The following AFF3 variants were observed in gnomAD, a reference collection of about 807,000 sequenced individuals.
AFF3 encodes AF4/FMR2 family member 3.
A neutral mutation model predicts 129.7 loss-of-function variants in AFF3; 32 were observed. The observed-to-expected ratio is 0.25, with a 90% CI of 0.19 to 0.33. The LOEUF is 0.33. Among genes scored for constraint, AFF3 ranks in the 10% least tolerant of loss-of-function variants. The pLI, the probability that AFF3 is intolerant of heterozygous loss-of-function variation, is 1.00. For synonymous variants in AFF3, 644 were observed against 635.4 expected, an observed-to-expected ratio of 1.01 and a Z score of -0.20; for missense variants, 1,373 against 1,592.0, an observed-to-expected ratio of 0.86 and a Z score of 2.34.
intron 8 of AFF3, among the ~76,000 whole-genome samples, chr2:99,776,503 C>T (rs1683913699): frequency 6.6e-6 from 1 of 152,180 alleles, no homozygotes; most frequent in South Asian, 2.1e-4. Flanking sequence ...GTGGAATATG[C>T]TTTATGGTCT....
At chr2:99,748,945 A>T (rs1681395652) in intron 9 of AFF3, among the ~76,000 whole-genome samples, 1 of 152,184 alleles carries the variant, frequency 6.6e-6, no homozygotes, top group South Asian at 2.1e-4. Flanking sequence ...TGTCGATTTT[A>T]GATTCTACAT....
At chr2:99,911,767 G>T (rs192421292) in intron 7 of AFF3, among the ~76,000 whole-genome samples, 69 of 152,344 alleles carry the variant, frequency 4.5e-4, no homozygotes, top group African/African-American at 1.5e-3. Flanking sequence ...GTGCACCACA[G>T]ACACAAAACC....
At chr2:99,763,866 T>C (rs1308424518) in intron 8 of AFF3, among the ~76,000 whole-genome samples, 1 of 152,208 alleles carries the variant, frequency 6.6e-6, no homozygotes, top group Non-Finnish European at 1.5e-5. Context: ...CTGGGAGCTG[T>C]ACACGTGTTT....
chr2:99,659,941 T>C (rs1686082752), intron 12 of AFF3, among the ~76,000 whole-genome samples: 1 of 152,188 alleles, frequency 6.6e-6, no homozygotes, highest in Non-Finnish European at 1.5e-5. Context: ...CATCTGGGCT[T>C]TGGTCATTCA....
Position 99,833,185 on chromosome 2 carries a change from A to C in AFF3, c.921+4292T>G, listed in dbSNP as rs143367072. On this transcript the variant is annotated intron_variant, in intron 8 of 24. Coordinates refer to ENST00000672756, the MANE Select transcript of AFF3 (RefSeq NM_001386135.1). ...GGGCTATCATGATGTGCATTTCCCA[A>C]GTCAGTGCCCTCAACTCACAAATCT... 2.5e-3 allele frequency among the ~76,000 whole-genome samples: 383 copies of C among 152,336 alleles called. 1 individual carries two copies. The highest frequency in any genetic ancestry group is 8.9e-3 in the African/African-American group (370 of 41,578).
chr2:99,713,212 C>T (rs1678059137), intron 11 of AFF3, among the ~76,000 whole-genome samples: 1 of 151,770 alleles, frequency 6.6e-6, no homozygotes, highest in Non-Finnish European at 1.5e-5. Flanking sequence ...CTGAACTGCA[C>T]ACTTGAAAAT....
chr2:99,992,800 A>G (rs748359669), intron 7 of AFF3, among the ~76,000 whole-genome samples: 1 of 152,236 alleles, frequency 6.6e-6, no homozygotes, highest in African/African-American at 2.4e-5. Flanking sequence ...ATAACCACTG[A>G]TATAAAATAA....
rs547857353 is a variant in AFF3 at position 99,765,752 on chromosome 2, G to T, written c.922-13451C>A. 9.7e-4 allele frequency among the ~76,000 whole-genome samples: 148 copies of T among 152,226 alleles called. 1 individual carries two copies. Among genetic ancestry groups the T allele is most frequent in the African/African-American group, 3.4e-3 (141 of 41,566 alleles). On this transcript the variant is annotated intron_variant, in intron 8 of 24. Coordinates refer to ENST00000672756, the MANE Select transcript of AFF3 (RefSeq NM_001386135.1). ...AAATATAGAAGACGTTTATGAATTT[G>T]TTTTTTAATCTATTTTACTCTTTAA...
At chr2:99,839,194 C>T (rs1689121398) in intron 7 of AFF3, among the ~76,000 whole-genome samples, 1 of 152,112 alleles carries the variant, frequency 6.6e-6, no homozygotes, top group South Asian at 2.1e-4. Flanking sequence ...ACTGCAACCT[C>T]TACCTCCTGG....
intron 8 of AFF3, among the ~76,000 whole-genome samples, chr2:99,816,934 A>G (rs570301261): frequency 1.3e-5 from 2 of 152,100 alleles, no homozygotes; most frequent in African/African-American, 4.8e-5. Context: ...CCTCCTGTAG[A>G]TTAGGGCATT....
chr2:100,012,237 T>G (rs773418019), intron 4 of AFF3, among the ~76,000 whole-genome samples: 2 of 152,154 alleles, frequency 1.3e-5, no homozygotes, highest in Non-Finnish European at 2.9e-5. Flanking sequence ...TCCCCACTTC[T>G]TCAAAGGAGA....
At chr2:99,986,314 T>C (rs1679871104) in intron 7 of AFF3, among the ~76,000 whole-genome samples, 1 of 151,608 alleles carries the variant, frequency 6.6e-6, no homozygotes, top group East Asian at 1.9e-4. Flanking sequence ...TCACCACTTT[T>C]AGCCACAACC....
At chr2:99,825,448 A>C (rs540978180) in intron 8 of AFF3, among the ~76,000 whole-genome samples, 222 of 152,330 alleles carry the variant, frequency 1.5e-3, no homozygotes, top group African/African-American at 5.1e-3. Flanking sequence ...TGTGATTTTC[A>C]TGATAATAAA....
chr2:100,060,119 C>T (rs1687141413), intron 4 of AFF3, among the ~76,000 whole-genome samples: 1 of 152,170 alleles, frequency 6.6e-6, no homozygotes, highest in Non-Finnish European at 1.5e-5. Flanking sequence ...GGTTCAACCC[C>T]AGCCTCCGAG....
chr2:99,987,291 T>C (rs115186449), intron 7 of AFF3, among the ~76,000 whole-genome samples: 2,737 of 152,338 alleles, frequency 0.018, 86 homozygotes, highest in African/African-American at 0.063. Flanking sequence ...GGGGTCCTCA[T>C]TTATAAGCGA....
intron 11 of AFF3, among the ~76,000 whole-genome samples, chr2:99,702,070 T>G (rs1676922135): frequency 6.6e-6 from 1 of 152,264 alleles, no homozygotes; most frequent in Non-Finnish European, 1.5e-5. Context: ...CAAATAAAGC[T>G]GCTATGAGCC....
chr2:100,061,797 A>G (rs1687291327), intron 4 of AFF3, among the ~76,000 whole-genome samples: 2 of 150,898 alleles, frequency 1.3e-5, no homozygotes, highest in African/African-American at 2.4e-5. Flanking sequence ...TTTGAGGGGG[A>G]AAAAAAGAGC....
chr2:99,806,469 G>C (rs764440168), intron 8 of AFF3, among the ~76,000 whole-genome samples: 1 of 152,144 alleles, frequency 6.6e-6, no homozygotes, highest in Non-Finnish European at 1.5e-5. Flanking sequence ...GCATGGAGGA[G>C]GATGAGGACC....
chr2:99,967,119 G>C (rs1041826542), intron 7 of AFF3, among the ~76,000 whole-genome samples: 1 of 151,920 alleles, frequency 6.6e-6, no homozygotes, highest in Non-Finnish European at 1.5e-5. Context: ...TCTCACCCCA[G>C]CCCTTCCATT....
Sources: gnomAD v4.1 joint callset for allele counts (sites outside exome capture counted in the v4.1 genomes callset) on GRCh38, gnomAD v4.1.1 for gene constraint, MANE v1.5 for transcripts, NCBI Gene and HGNC (gene_info 2026-07-23, HGNC 2026-07-21) for gene names.